The following TENM3 variants were observed in gnomAD, a reference collection of about 807,000 sequenced individuals.
The protein encoded by TENM3 is teneurin-3.
A neutral mutation model predicts 255.1 loss-of-function variants in TENM3; 63 were observed. The observed-to-expected ratio is 0.25, with a 90% confidence interval of 0.20 to 0.30. The LOEUF is 0.30. Ranked by LOEUF, TENM3 falls within the 10% of genes least tolerant of loss-of-function variation. The probability of loss-of-function intolerance (pLI) is 1.00; values close to 1 mark genes in which losing one functional copy is unlikely to be tolerated. For missense variants in TENM3, 2,929 were observed against 3,461.1 expected (o/e 0.85, Z 3.86); for synonymous variants, 1,306 against 1,322.3 (o/e 0.99, Z 0.27).
At chr4:181,875,807 A>G in the TENM3 span, among the ~76,000 whole-genome samples, 1 of 152,166 alleles carries the variant, frequency 6.6e-6, no homozygotes, top group South Asian at 2.1e-4. Flanking sequence ...TGACAAACTT[A>G]GTGATTTACA....
the TENM3 span, among the ~76,000 whole-genome samples, chr4:181,894,268 G>A: frequency 6.6e-6 from 1 of 152,252 alleles, no homozygotes; most frequent in South Asian, 2.1e-4. Flanking sequence ...ATGATGTCAT[G>A]AGTAATGGCA....
chr4:182,597,252 T>TA (rs1436712322), intron 3 of TENM3, among the ~76,000 whole-genome samples: 8 of 151,922 alleles, frequency 5.3e-5, no homozygotes, highest in East Asian at 1.9e-4. Context: ...AATTATATTT[T>TA]AAAAAAATTA....
At chr4:182,794,597 T>A (rs894663542) in intron 26 of TENM3, among the ~76,000 whole-genome samples, 1 of 152,234 alleles carries the variant, frequency 6.6e-6, no homozygotes. Context: ...CCAGTGCAGT[T>A]CTTGCATGGT....
In TENM3 at chr4:182,213,598, G is replaced by A. The variant is rs573380978; in HGVS notation, c.-76+68844G>A. Among the ~76,000 whole-genome samples the A allele has an allele frequency of 8.5e-5, 13 of 152,180 alleles. No individual in the cohort carries two copies. In the South Asian group the frequency reaches 2.7e-3, roughly 32 times the overall value. On this transcript the variant is annotated intron_variant, in intron 1 of 2. Transcript: ENST00000512480. Reference sequence around the variant, plus strand: ...GAGCTGCTTGTGAATGTCTCATTAGGAAGAGCTACTAAATGATACAGTACG... The same window carrying A: ...GAGCTGCTTGTGAATGTCTCATTAGAAAGAGCTACTAAATGATACAGTACG...
the TENM3 span, among the ~76,000 whole-genome samples, chr4:182,050,398 T>C: frequency 1.3e-5 from 2 of 152,088 alleles, no homozygotes; most frequent in African/African-American, 2.4e-5. Flanking sequence ...TTAAGGGAAA[T>C]AAGTCATAAA....
the TENM3 span, among the ~76,000 whole-genome samples, chr4:181,938,539 C>T: frequency 3.9e-5 from 6 of 152,176 alleles, no homozygotes; most frequent in Non-Finnish European, 1.5e-5. Flanking sequence ...GTGACAGTAT[C>T]ACTTAGTAGC....
intron 1 of TENM3, among the ~76,000 whole-genome samples, chr4:182,237,529 C>T (rs1270276101): frequency 6.6e-6 from 1 of 152,078 alleles, no homozygotes; most frequent in Admixed American, 6.5e-5. Context: ...TGCCTGGCTA[C>T]GTCTGTAATC....
the TENM3 span, among the ~76,000 whole-genome samples, chr4:181,774,003 G>GTTTTTTTTTTTTTTTTTT: frequency 1.1e-5 from 1 of 90,060 alleles, no homozygotes. Flanking sequence ...TGGTGGCTGT[G>GTTTTTTTTTTTTTTTTTT]TTTTTTTTTT....
the TENM3 span, among the ~76,000 whole-genome samples, chr4:181,477,797 A>G: frequency 1.3e-5 from 2 of 152,320 alleles, no homozygotes; most frequent in East Asian, 1.9e-4. Context: ...GATGCTTCCA[A>G]TTACTCATAC....
intron 1 of TENM3, among the ~76,000 whole-genome samples, chr4:182,194,469 A>G (rs992253466): frequency 6.6e-6 from 1 of 152,130 alleles, no homozygotes; most frequent in Non-Finnish European, 1.5e-5. Flanking sequence ...TTTCACCAGC[A>G]CGCTTTTAGT....
intron 1 of TENM3, among the ~76,000 whole-genome samples, chr4:182,234,188 T>C (rs1002097405): frequency 1.3e-5 from 2 of 152,160 alleles, no homozygotes; most frequent in African/African-American, 4.8e-5. Flanking sequence ...TCTCTCTCTC[T>C]AACCTCTGTC....
chr4:181,998,116 GTTTTC>G, the TENM3 span, among the ~76,000 whole-genome samples: 1 of 152,126 alleles, frequency 6.6e-6, no homozygotes, highest in Non-Finnish European at 1.5e-5. Flanking sequence ...GATATAATGA[GTTTTC>G]TTTTCTCATG....
the TENM3 span, among the ~76,000 whole-genome samples, chr4:181,913,068 G>A: frequency 4.9e-3 from 752 of 152,252 alleles, 6 homozygotes; most frequent in African/African-American, 0.017. Flanking sequence ...GAATACATGG[G>A]TGAGGGTAGG....
chr4:182,666,910 A>G (rs933235397), intron 6 of TENM3, among the ~76,000 whole-genome samples: 1 of 152,056 alleles, frequency 6.6e-6, no homozygotes, highest in Non-Finnish European at 1.5e-5. Flanking sequence ...TCAAAAAAAA[A>G]AGGAAATAAT....
the TENM3 span, among the ~76,000 whole-genome samples, chr4:182,013,936 G>A: frequency 7.5e-6 from 1 of 133,128 alleles, no homozygotes; most frequent in Non-Finnish European, 1.6e-5. Flanking sequence ...ATATATCTGT[G>A]TGTGTATATA....
At chr4:181,706,136 C>T in the TENM3 span, among the ~76,000 whole-genome samples, 1 of 151,972 alleles carries the variant, frequency 6.6e-6, no homozygotes, top group African/African-American at 2.4e-5. Context: ...AGGCCTCTCC[C>T]CTTGGCTTAG....
the TENM3 span, among the ~76,000 whole-genome samples, chr4:181,472,560 C>T: frequency 6.6e-6 from 1 of 152,020 alleles, no homozygotes; most frequent in African/African-American, 2.4e-5. Flanking sequence ...GAGGTGACTT[C>T]TGGATGCTGG....
chr4:182,475,780 ATGTC>A lies in TENM3; in HGVS notation c.512-125136_512-125133del, dbSNP rs569311771. 3.1e-3 allele frequency among the ~76,000 whole-genome samples: 467 copies of A among 152,296 alleles called. 1 individual carries two copies. The highest frequency in any genetic ancestry group is 6.8e-3 in the South Asian group (33 of 4,822). The stretch of plus-strand genomic sequence containing the variant: ...CTTTCTGTAGTCACAGATGGTTTTA[ATGTC>A]TGTCTGTATTGAACAATCACTCAGA... On this transcript the variant is annotated intron_variant, in intron 3 of 27. Transcript: ENST00000511685.
At chr4:181,589,477 A>T in the TENM3 span, among the ~76,000 whole-genome samples, 2 of 152,314 alleles carry the variant, frequency 1.3e-5, no homozygotes, top group South Asian at 4.1e-4. Context: ...TGTGGTTCAA[A>T]ACATGGTAAG....
Sources: gnomAD v4.1 joint callset for allele counts (sites outside exome capture counted in the v4.1 genomes callset) on GRCh38, gnomAD v4.1.1 for gene constraint, MANE v1.5 for transcripts, NCBI Gene and HGNC (gene_info 2026-07-23, HGNC 2026-07-21) for gene names.